The following PRH1 variants were observed in gnomAD, a reference collection of about 807,000 sequenced individuals.
PRH1 encodes the protein proline rich protein HaeIII subfamily 1.
PRH1 carries 7 observed loss-of-function variants against 7.9 expected under a neutral mutation model. That is an observed-to-expected ratio of 0.89 (90% CI 0.50 to 1.67). The LOEUF (loss-of-function observed/expected upper bound fraction) is 1.67. Among genes scored for constraint, PRH1 ranks in the 40% most tolerant of loss-of-function variants. The pLI, the probability that PRH1 is intolerant of heterozygous loss-of-function variation, is 0.00. For missense variants in PRH1, 109 were observed against 223.6 expected (o/e 0.49, Z 3.27); for synonymous variants, 45 against 80.8 (o/e 0.56, Z 2.38).
intron 2 of PRH1, among the ~76,000 whole-genome samples, chr12:10,934,721 C>G (rs1474062560): frequency 6.6e-6 from 1 of 152,074 alleles, no homozygotes; most frequent in Non-Finnish European, 1.5e-5. Context: ...TTGCCCCAGA[C>G]AGCTATCTGC....
In PRH1 at chr12:11,086,957, C is replaced by T. The variant is rs1263252998; in HGVS notation, n.124-39769G>A. 3.4e-5 allele frequency among the ~76,000 whole-genome samples: 4 copies of T among 117,042 alleles called. 1 individual carries two copies. Among genetic ancestry groups the T allele is most frequent in the African/African-American group, 1.1e-4 (4 of 34,976 alleles). The allele number at this position is 117,042 out of a possible 152,430, so 76.8% of individuals were successfully genotyped here. A position where few individuals can be genotyped will look rare whatever the true frequency, so the allele number is the denominator to read the frequency against. On this transcript the variant is annotated intron_variant and non_coding_transcript_variant, in intron 1 of 4. Transcript: ENST00000541977. ...CAAAGGGCGATGAAAATACAACTGT[C>T]TTTGGTTAATTTTGTTAGGAGTTAA...
intron 1 of PRH1, chr12:11,171,233 G>C: frequency 1.8e-6 from 1 of 570,604 alleles, no homozygotes; most frequent in African/African-American, 1.9e-5. Context: ...GCAGCGGCAA[G>C]CTTGGGTGTG....
chr12:10,935,903 G>A (rs541048144), intron 2 of PRH1, among the ~76,000 whole-genome samples: 19 of 152,172 alleles, frequency 1.2e-4, no homozygotes, highest in African/African-American at 3.4e-4. Flanking sequence ...GGATAGGAGC[G>A]CCAACACATG....
intron 1 of PRH1, chr12:11,092,104 G>A (rs745869855): frequency 8.4e-6 from 13 of 1,547,664 alleles, no homozygotes; most frequent in Admixed American, 7.1e-5. Context: ...GGTCAGCAAA[G>A]GAGATCTTTT....
At chr12:11,132,016 T>C (rs1283780818) in intron 1 of PRH1, among the ~76,000 whole-genome samples, 7 of 152,092 alleles carry the variant, frequency 4.6e-5, no homozygotes, top group Admixed American at 3.3e-4. Context: ...CTGAGGAAGA[T>C]ACATGATTCT....
In PRH1 at chr12:11,032,827, G is replaced by T. The variant is rs370339373; in HGVS notation, c.-126+14193C>A. ...ACTGACTACCTTGCCCCTGAACTTG[G>T]AGTTCAATCATTTCACTTACTTTGA... On this transcript the variant is annotated intron_variant, in intron 1 of 3. Coordinates refer to the PRH1 transcript ENST00000539853. Among the ~76,000 whole-genome samples the T allele has an allele frequency of 1.4e-4, 22 of 152,230 alleles. No individual in the cohort carries two copies. In the South Asian group the frequency reaches 4.1e-3, roughly 29 times the overall value.
chr12:11,126,808 A>G (rs7974964), intron 1 of PRH1, among the ~76,000 whole-genome samples: 43,749 of 151,886 alleles, frequency 0.29, 8,070 homozygotes, highest in East Asian at 0.73. Flanking sequence ...AAATTTTAGC[A>G]TTGTTTAACA....
chr12:11,073,321 A>C (rs1262107468), intron 1 of PRH1, among the ~76,000 whole-genome samples: 1 of 111,770 alleles, frequency 8.9e-6, no homozygotes, highest in Non-Finnish European at 2.1e-5. Context: ...TAAAGTAGAG[A>C]CCTGGTTTCA....
rs375534136 is a variant in PRH1 at position 11,091,716 on chromosome 12, T to C, written n.124-44528A>G. On this transcript the variant is annotated intron_variant and non_coding_transcript_variant, in intron 1 of 4. Coordinates refer to the PRH1 transcript ENST00000541977. ...GTTACAGTCATATTTGAAAAGTACATTGCACTCTTCAATTTGATCTTCCAA... is the reference window on the plus strand; with the variant it reads ...GTTACAGTCATATTTGAAAAGTACACTGCACTCTTCAATTTGATCTTCCAA... The C allele has an allele frequency of 2.3e-5, 29 of 1,279,090 alleles. 8 individuals are homozygous for C. The highest frequency in any genetic ancestry group is 1.1e-4 in the African/African-American group (7 of 65,298). The allele number at this position is 1,279,090 out of a possible 1,614,324, so 79.2% of individuals were successfully genotyped here. A position where few individuals can be genotyped will look rare whatever the true frequency, so the allele number is the denominator to read the frequency against.
At chr12:11,104,912 T>G (rs1049900621) in intron 1 of PRH1, among the ~76,000 whole-genome samples, 1 of 151,964 alleles carries the variant, frequency 6.6e-6, no homozygotes, top group Non-Finnish European at 1.5e-5. Flanking sequence ...TCAGAATGTA[T>G]GTTTACTTCA....
chr12:11,012,875 G>A (rs1391675086), intron 1 of PRH1, among the ~76,000 whole-genome samples: 2 of 152,048 alleles, frequency 1.3e-5, no homozygotes, highest in Non-Finnish European at 2.9e-5. Flanking sequence ...TTTTTGAGCA[G>A]AATACAGAAG....
intron 1 of PRH1, among the ~76,000 whole-genome samples, chr12:11,037,646 CAA>C (rs1942494185): frequency 6.6e-6 from 1 of 152,184 alleles, no homozygotes; most frequent in Non-Finnish European, 1.5e-5. Context: ...AAGTGTCTAT[CAA>C]TAATAAATAT....
At chr12:11,112,918 A>C (rs538802422) in intron 1 of PRH1, among the ~76,000 whole-genome samples, 22 of 152,304 alleles carry the variant, frequency 1.4e-4, no homozygotes, top group African/African-American at 5.3e-4. Context: ...CTCAGCCCCA[A>C]ATCTCCTTAA....
chr12:11,116,628 AAAC>A (rs1203206936), downstream of PRH1, among the ~76,000 whole-genome samples: 4 of 152,098 alleles, frequency 2.6e-5, no homozygotes, highest in African/African-American at 9.7e-5. Flanking sequence ...CTAAAAAGGA[AAAC>A]AACAAGCACA....
At chr12:11,127,813 C>T (rs1946185565) in intron 1 of PRH1, among the ~76,000 whole-genome samples, 1 of 152,218 alleles carries the variant, frequency 6.6e-6, no homozygotes, top group South Asian at 2.1e-4. Context: ...AATTAAAATA[C>T]TCAACTATTT....
At chr12:11,140,032 GT>G (rs1565695882) in intron 1 of PRH1, among the ~76,000 whole-genome samples, 1 of 151,662 alleles carries the variant, frequency 6.6e-6, no homozygotes, top group African/African-American at 2.4e-5. Flanking sequence ...TTCTATGATA[GT>G]TATTTCATAT....
At chr12:11,039,913 A>C (rs1426163699) in intron 1 of PRH1, among the ~76,000 whole-genome samples, 1 of 100,060 alleles carries the variant, frequency 1.0e-5, no homozygotes, top group Non-Finnish European at 2.4e-5. Context: ...AATTACAGGG[A>C]CATCATCCAG....
At chr12:10,979,819 G>C (rs1939269738) in intron 1 of PRH1, among the ~76,000 whole-genome samples, 1 of 152,216 alleles carries the variant, frequency 6.6e-6, no homozygotes, top group Admixed American at 6.5e-5. Context: ...GCTGAGATGA[G>C]ATGTGAAGGA....
chr12:11,080,656 T>C lies in PRH1; in HGVS notation n.124-33468A>G, dbSNP rs1487288261. Among the ~76,000 whole-genome samples the C allele has an allele frequency of 4.2e-5, 5 of 118,812 alleles. 1 individual carries two copies. The highest frequency in any genetic ancestry group is 1.0e-4 in the Non-Finnish European group (5 of 49,566). 77.9% of individuals were successfully genotyped at this position (118,812 alleles called of 152,430 possible). On this transcript the variant is annotated intron_variant and non_coding_transcript_variant, in intron 1 of 4. Transcript: ENST00000541977. ...CATTCAATCCAGGAAGACACTATTT[T>C]ATACAGTCAACATTTATTTAGAATT...
Sources: gnomAD v4.1 joint callset for allele counts (sites outside exome capture counted in the v4.1 genomes callset) on GRCh38, gnomAD v4.1.1 for gene constraint, MANE v1.5 for transcripts, NCBI Gene and HGNC (gene_info 2026-07-23, HGNC 2026-07-21) for gene names.